Variants in SLC22A23 observed in about 807,000 individuals in gnomAD.
SLC22A23 encodes the protein solute carrier family 22 member 23, also known as ion transporter protein.
In SLC22A23, 26 loss-of-function variants were observed where a neutral mutation model predicts 61.0. The observed-to-expected ratio is 0.43, with a 90% CI of 0.31 to 0.59. SLC22A23 has a LOEUF of 0.59. Among genes scored for constraint, SLC22A23 ranks in the 20% least tolerant of loss-of-function variants. SLC22A23 has a pLI of 0.11. For missense variants in SLC22A23, 796 were observed against 934.7 expected, an observed-to-expected ratio of 0.85 and a Z score of 1.94; for synonymous variants, 430 against 413.9, an observed-to-expected ratio of 1.04 and a Z score of -0.47.
chr6:3,415,731 G>A (rs552902494), intron 2 of SLC22A23, 21 bp downstream of exon 2: 129 of 1,508,506 alleles, frequency 8.6e-5, no homozygotes, highest in Admixed American at 1.4e-4. Flanking sequence ...AGGTTCGTGC[G>A]GCGGGCATGT....
chr6:3,430,103 A>G (rs1462430116), intron 1 of SLC22A23, among the ~76,000 whole-genome samples: 1 of 152,256 alleles, frequency 6.6e-6, no homozygotes, highest in East Asian at 1.9e-4. Context: ...ATCTTCAGGA[A>G]ATGGGCTAGC....
chr6:3,374,268 A>G (rs747570944), intron 3 of SLC22A23, among the ~76,000 whole-genome samples: 3 of 152,238 alleles, frequency 2.0e-5, no homozygotes, highest in Non-Finnish European at 4.4e-5. Context: ...TCCAGGCTCA[A>G]GCCTGGTATA....
At chr6:3,377,713 C>G (rs769998774) in intron 3 of SLC22A23, 6 of 152,508 alleles carry the variant, frequency 3.9e-5, no homozygotes, top group Non-Finnish European at 8.8e-5. Context: ...CAGTGGAGAA[C>G]AGCACTGGGC....
chr6:3,367,695 A>C (rs918774203), intron 3 of SLC22A23, among the ~76,000 whole-genome samples: 3 of 152,204 alleles, frequency 2.0e-5, no homozygotes, highest in East Asian at 1.9e-4. Flanking sequence ...CTTACAGTGA[A>C]TTCTAGGTGA....
chr6:3,379,315 T>C (rs1231471018), intron 3 of SLC22A23, among the ~76,000 whole-genome samples: 1 of 152,158 alleles, frequency 6.6e-6, no homozygotes, highest in Non-Finnish European at 1.5e-5. Flanking sequence ...TGGAGTTCTT[T>C]GAGGGAATGG....
intron 3 of SLC22A23, among the ~76,000 whole-genome samples, chr6:3,361,066 C>G (rs1324848259): frequency 1.4e-5 from 2 of 141,292 alleles, no homozygotes; most frequent in East Asian, 2.1e-4. Flanking sequence ...CCACCCCCCC[C>G]ATTTTATGCC....
At chr6:3,433,521 T>C (rs372633511) in intron 1 of SLC22A23, among the ~76,000 whole-genome samples, 107 of 152,344 alleles carry the variant, frequency 7.0e-4, no homozygotes, top group African/African-American at 2.5e-3. Context: ...GACTTTTCAA[T>C]GGCTGCCCTG....
Position 3,456,496 on chromosome 6 carries a change from C to A in SLC22A23, c.64G>T (p.Glu22Ter). The change falls in exon 1 of 10, where the codon GAG becomes TAG. Residue 22 changes from glutamate to a stop codon, truncating the protein, a stop_gained. Coordinates refer to ENST00000406686, the MANE Select transcript of SLC22A23 (RefSeq NM_015482.2). LOFTEE classifies it high-confidence loss of function. This position sits in a 1 kb window ranked among gnomAD's most constrained non-coding sequence, Gnocchi z 7.1. ...GGPGRQPAPA[E>*]ENGSLPPGDA... ...CCGGGCGGCAGGGAGCCGTTCTCCT[C>A]GGCCGGGGCCGGCTGCCGCCCAGGC... 1.9e-6 allele frequency: 2 copies of A among 1,074,944 alleles called. No individual in the cohort carries two copies. Among genetic ancestry groups the A allele is most frequent in the Non-Finnish European group, 2.2e-6 (2 of 889,688 alleles). The allele number at this position is 1,074,944 out of a possible 1,614,324, so 66.6% of individuals were successfully genotyped here. A position where few individuals can be genotyped will look rare whatever the true frequency, so the allele number is the denominator to read the frequency against.
intron 4 of SLC22A23, among the ~76,000 whole-genome samples, chr6:3,314,278 C>A (rs1483474753): frequency 6.6e-6 from 1 of 152,204 alleles, no homozygotes; most frequent in Non-Finnish European, 1.5e-5. Context: ...CCAGGGCCCT[C>A]CGCTTGCCCG....
At chr6:3,336,276 A>G (rs1339675818) in intron 3 of SLC22A23, among the ~76,000 whole-genome samples, 1 of 152,166 alleles carries the variant, frequency 6.6e-6, no homozygotes, top group African/African-American at 2.4e-5. Context: ...GAAGGAGGAG[A>G]CAGCACCTCC....
At chr6:3,316,873 C>T (rs772197151) in intron 4 of SLC22A23, among the ~76,000 whole-genome samples, 5 of 152,160 alleles carry the variant, frequency 3.3e-5, no homozygotes, top group African/African-American at 4.8e-5. Flanking sequence ...GCTGTGCTCA[C>T]GTGATCTTCC....
At chr6:3,409,775 G>C (rs1221704845) in intron 3 of SLC22A23, among the ~76,000 whole-genome samples, 1 of 152,196 alleles carries the variant, frequency 6.6e-6, no homozygotes, top group East Asian at 1.9e-4. Context: ...CTCAGTTCCA[G>C]ACCACTTAAG....
At chr6:3,310,909 C>A (rs887232973) in intron 4 of SLC22A23, among the ~76,000 whole-genome samples, 2 of 152,184 alleles carry the variant, frequency 1.3e-5, no homozygotes, top group East Asian at 3.9e-4. Context: ...ACTGCCCATG[C>A]TTATTAAATT....
chr6:3,332,832 C>T (rs1220033537), intron 3 of SLC22A23, among the ~76,000 whole-genome samples: 1 of 152,148 alleles, frequency 6.6e-6, no homozygotes, highest in African/African-American at 2.4e-5. Flanking sequence ...AATTCTCCTT[C>T]AGTCTAGAGC....
At chr6:3,453,578 C>G (rs1296961977) in intron 1 of SLC22A23, among the ~76,000 whole-genome samples, 1 of 152,190 alleles carries the variant, frequency 6.6e-6, no homozygotes, top group African/African-American at 2.4e-5. Flanking sequence ...AGGTCCAGAA[C>G]TGTGCCTGGT....
intron 4 of SLC22A23, chr6:3,313,366 T>A (rs1290740218): frequency 6.6e-6 from 1 of 152,230 alleles, no homozygotes; most frequent in East Asian, 1.9e-4. Context: ...AAATTTTTTT[T>A]ATGTTTCCTA....
intron 3 of SLC22A23, among the ~76,000 whole-genome samples, chr6:3,377,049 A>C (rs1766617053): frequency 6.6e-6 from 1 of 152,152 alleles, no homozygotes; most frequent in Non-Finnish European, 1.5e-5. Context: ...CAGGTGAGTC[A>C]TCTAGAGCAG....
Position 3,329,999 on chromosome 6 carries a change from G to A in SLC22A23, c.914-5997C>T, listed in dbSNP as rs557778235. ...TCCAGAGGCCACTGCTGAACGGCCC[G>A]GCCATCCTCTCCCAAGGGGAAGCCT... On this transcript the variant is annotated intron_variant, in intron 3 of 9. Transcript: ENST00000406686. This position sits in a 1 kb window ranked among gnomAD's most constrained non-coding sequence, Gnocchi z 4.8. Among the ~76,000 whole-genome samples, 2 of 152,294 alleles carry A rather than the reference G, an allele frequency of 1.3e-5. No individual in the cohort carries two copies. The highest frequency in any genetic ancestry group is 2.4e-5 in the African/African-American group (1 of 41,570).
chr6:3,292,752 C>T (rs1345810943), intron 5 of SLC22A23, among the ~76,000 whole-genome samples: 1 of 152,232 alleles, frequency 6.6e-6, no homozygotes, highest in African/African-American at 2.4e-5. Context: ...CTTGGAAAAG[C>T]TACGCTGTCC....
Sources: allele counts gnomAD v4.1 joint callset (sites outside exome capture counted in the v4.1 genomes callset), GRCh38; gene constraint gnomAD v4.1.1; non-coding constraint Gnocchi (gnomAD v3.1); transcripts MANE v1.5; gene names NCBI Gene and HGNC (gene_info 2026-07-23, HGNC 2026-07-21).